The following MDGA2 variants were observed in gnomAD, a reference collection of about 807,000 sequenced individuals.
MDGA2 encodes the protein MAM domain containing glycosylphosphatidylinositol anchor 2, also known as MAM domain-containing glycosylphosphatidylinositol anchor protein 2.
A neutral mutation model predicts 117.8 loss-of-function variants in MDGA2; 40 were observed. The ratio of observed to expected loss-of-function variants is 0.34; its 90% CI spans 0.26 to 0.44. The LOEUF (loss-of-function observed/expected upper bound fraction) is 0.44. Among genes scored for constraint, MDGA2 ranks in the 20% least tolerant of loss-of-function variants. MDGA2 has a pLI of 1.00. For synonymous variants in MDGA2, 452 were observed against 439.0 expected (o/e 1.03, Z -0.37); for missense variants, 1,123 against 1,250.6 (o/e 0.90, Z 1.54).
rs369258117 is a variant in MDGA2, at chr14:46,958,101, T to C, written c.1820-458A>G. 2.6e-4 allele frequency among the ~76,000 whole-genome samples: 40 copies of C among 152,272 alleles called. 1 individual carries two copies. In the East Asian group the frequency reaches 5.2e-3, roughly 20 times the overall value. On this transcript the variant is annotated intron_variant, in intron 8 of 16. Coordinates refer to ENST00000399232, the MANE Select transcript of MDGA2 (RefSeq NM_001113498.3). ...TTTAAAAAGCTAATTTACAAAACTGTATGAAAAATAATTCTACAGTGCTAA... is the reference window on the plus strand; with the variant it reads ...TTTAAAAAGCTAATTTACAAAACTGCATGAAAAATAATTCTACAGTGCTAA...
intron 8 of MDGA2, among the ~76,000 whole-genome samples, chr14:47,019,500 C>G (rs778239919): frequency 1.3e-5 from 2 of 152,086 alleles, no homozygotes; most frequent in Non-Finnish European, 2.9e-5. Context: ...AACCTAATAA[C>G]AACGTGTAAA....
intron 1 of MDGA2, among the ~76,000 whole-genome samples, chr14:47,603,657 G>T (rs1416189602): frequency 6.6e-6 from 1 of 151,558 alleles, no homozygotes; most frequent in Non-Finnish European, 1.5e-5. Context: ...CTCTCTTTCT[G>T]CTCTCTTCCC....
chr14:47,219,410 T>C (rs939413337), intron 2 of MDGA2, among the ~76,000 whole-genome samples: 1 of 152,040 alleles, frequency 6.6e-6, no homozygotes, highest in African/African-American at 2.4e-5. Context: ...GAAATATCAA[T>C]ATTTATTCCA....
At chr14:47,505,899 C>T (rs1017987112) in intron 1 of MDGA2, among the ~76,000 whole-genome samples, 4 of 152,160 alleles carry the variant, frequency 2.6e-5, no homozygotes, top group African/African-American at 7.2e-5. Context: ...CACACATTCA[C>T]CAAATGAGTA....
intron 1 of MDGA2, among the ~76,000 whole-genome samples, chr14:47,369,411 A>G (rs1048480972): frequency 1.3e-5 from 2 of 152,144 alleles, no homozygotes; most frequent in East Asian, 3.9e-4. Flanking sequence ...GAAGTACTTA[A>G]AGAGAAAGAA....
At chr14:46,867,483 GTATACATATGTAACTAACC>G (rs1305761025) in intron 14 of MDGA2, among the ~76,000 whole-genome samples, 2 of 152,020 alleles carry the variant, frequency 1.3e-5, no homozygotes, top group East Asian at 3.9e-4. Context: ...CATGGCACAT[GTATACATATGTAACTAACC>G]TGCACATTGT....
chr14:47,242,115 A>T (rs566414365), intron 2 of MDGA2, among the ~76,000 whole-genome samples: 1 of 151,924 alleles, frequency 6.6e-6, no homozygotes, highest in African/African-American at 2.4e-5. Context: ...GAAGATTGCT[A>T]CTATTTCATT....
chr14:47,648,655 G>C (rs549330963), intron 1 of MDGA2, among the ~76,000 whole-genome samples: 1 of 148,482 alleles, frequency 6.7e-6, no homozygotes, highest in East Asian at 2.9e-4. Flanking sequence ...TGGCAGACAG[G>C]GGACCAGGAA....
chr14:47,640,710 C>T (rs1897407162), intron 1 of MDGA2, among the ~76,000 whole-genome samples: 1 of 152,152 alleles, frequency 6.6e-6, no homozygotes, highest in African/African-American at 2.4e-5. Flanking sequence ...AAAGTTGTGG[C>T]TTACTGAACA....
intron 1 of MDGA2, among the ~76,000 whole-genome samples, chr14:47,535,398 T>TA (rs1338914529): frequency 6.6e-6 from 1 of 152,188 alleles, no homozygotes; most frequent in East Asian, 1.9e-4. Context: ...GCAAACAGTA[T>TA]AAATGGAATG....
At chr14:47,468,836 C>T (rs1038533732) in intron 1 of MDGA2, among the ~76,000 whole-genome samples, 8 of 151,994 alleles carry the variant, frequency 5.3e-5, no homozygotes, top group South Asian at 2.1e-4. Flanking sequence ...ACTGTGTGAG[C>T]ATACAAGGAA....
At chr14:47,363,748 AGGAAG>A (rs1335756139) in intron 1 of MDGA2, among the ~76,000 whole-genome samples, 1 of 152,114 alleles carries the variant, frequency 6.6e-6, no homozygotes, top group South Asian at 2.1e-4. Context: ...AAAGCAAATA[AGGAAG>A]GGAAGAGAAG....
At chr14:47,476,902 C>T (rs1893853395) in intron 1 of MDGA2, among the ~76,000 whole-genome samples, 1 of 152,198 alleles carries the variant, frequency 6.6e-6, no homozygotes, top group Admixed American at 6.5e-5. Context: ...TGGCTCATGC[C>T]TGTAATCCCA....
intron 1 of MDGA2, among the ~76,000 whole-genome samples, chr14:47,356,039 A>G (rs555286881): frequency 1.1e-3 from 161 of 152,262 alleles, no homozygotes; most frequent in Admixed American, 3.4e-3. Flanking sequence ...CTCACCCTGG[A>G]CCAGCTCAGC....
intron 1 of MDGA2, among the ~76,000 whole-genome samples, chr14:47,672,275 A>G (rs1417477660): frequency 1.3e-5 from 2 of 152,236 alleles, no homozygotes; most frequent in Non-Finnish European, 2.9e-5. Context: ...TCCTGGCTAC[A>G]TGACTAATAA....
At chr14:46,888,131 T>C (rs1882740065) in intron 10 of MDGA2, among the ~76,000 whole-genome samples, 1 of 152,024 alleles carries the variant, frequency 6.6e-6, no homozygotes, top group Admixed American at 6.6e-5. Flanking sequence ...AAGTCTTTAA[T>C]TTAAGCTGTA....
chr14:47,006,728 T>G (rs1594519800), intron 8 of MDGA2, among the ~76,000 whole-genome samples: 1 of 151,794 alleles, frequency 6.6e-6, no homozygotes, highest in African/African-American at 2.4e-5. Context: ...TTTTCTATTA[T>G]TTTTTAAGCT....
chr14:47,088,363 C>G (rs1299620349), intron 6 of MDGA2, among the ~76,000 whole-genome samples: 1 of 152,094 alleles, frequency 6.6e-6, no homozygotes. Flanking sequence ...GAAATAAGCA[C>G]TTAATCTGCA....
At chr14:47,674,311 G>T (rs1224697489) in intron 1 of MDGA2, among the ~76,000 whole-genome samples, 1 of 152,226 alleles carries the variant, frequency 6.6e-6, no homozygotes, top group Non-Finnish European at 1.5e-5. Context: ...CCAACTCCGA[G>T]CCAGAGCCCA....
Sources: gnomAD v4.1 joint callset for allele counts (sites outside exome capture counted in the v4.1 genomes callset) on GRCh38, gnomAD v4.1.1 for gene constraint, MANE v1.5 for transcripts, NCBI Gene and HGNC (gene_info 2026-07-23, HGNC 2026-07-21) for gene names.